The following ZWINT variants were observed in gnomAD, a reference collection of about 807,000 sequenced individuals.
ZWINT encodes the protein outer kinetochore KNL1 complex subunit ZWINT.
In ZWINT, 41 loss-of-function variants were observed where a neutral mutation model predicts 41.5. The observed-to-expected ratio is 0.99, with a 90% CI of 0.77 to 1.28. ZWINT has a LOEUF of 1.28. ZWINT is among the 50% of genes most tolerant of loss of function. ZWINT has a pLI of 0.00. For missense variants in ZWINT, 369 were observed against 329.7 expected (o/e 1.12, Z -0.92); for synonymous variants, 132 against 126.8 (o/e 1.04, Z -0.28).
chr10:56,359,945 T>A, intron 3 of ZWINT, 73 bp downstream of exon 3: 1 of 1,606,610 alleles, frequency 6.2e-7, no homozygotes, highest in Admixed American at 1.7e-5. Context: ...ATCAGCCAAA[T>A]GGGAGACCTA....
At position 56,359,727 on chromosome 10, in the gene ZWINT, C is replaced by G. The variant is rs781108805; in HGVS notation, c.383G>C (p.Arg128Pro). 1.2e-6 allele frequency: 2 copies of G among 1,614,152 alleles called. No individual in the cohort carries two copies. Among genetic ancestry groups the G allele is most frequent in the East Asian group, 4.5e-5 (2 of 44,862 alleles). Reference protein sequence around the residue: ...LTQMEEAQRKRTQLREAFEQL... With the variant: ...LTQMEEAQRKPTQLREAFEQL... ...CTCAAAGGCTTCCCGGAGTTGTGTC[C>G]GTTTCCTCTGGGCTTCCTCCATCTG... The change falls in exon 4 of 9, where the codon CGG becomes CCG. Residue 128 changes from arginine to proline, a missense_variant. Physicochemically the swap from Arg to Pro is moderately radical, Grantham distance 103. Coordinates refer to ENST00000373944, the MANE Select transcript of ZWINT (RefSeq NM_007057.4).
At chr10:56,360,493 G>T in intron 1 of ZWINT, 110 bp from the exon 2 acceptor site, 1 of 910,974 alleles carries the variant, frequency 1.1e-6, no homozygotes. Flanking sequence ...ATATAGTATT[G>T]AGAGTCTTGC....
At chr10:56,359,096 GA>G in intron 5 of ZWINT, 149 bp from the exon 6 acceptor site, 3 of 1,012,128 alleles carry the variant, frequency 3.0e-6, no homozygotes, top group Non-Finnish European at 4.2e-6. Context: ...TAGGGGCCTA[GA>G]GAAAAGGAAA....
At position 56,358,865 on chromosome 10, in the gene ZWINT, AC is replaced by A; in HGVS notation, c.562del (p.Val188CysfsTer8). The A allele has an allele frequency of 6.2e-7, 1 of 1,614,008 alleles. No homozygotes were observed. The highest frequency in any genetic ancestry group is 2.2e-5 in the East Asian group (1 of 44,848). ...KTGTQQELDRVFQKLGNLKQQ... is the reference protein window; with the variant it reads ...KTGTQQELDRXFQKLGNLKQQ... ...CTTCAGGTTTCCAAGTTTCTGAAAC[AC>A]CCTGTCAAGCTCCTGCTGAGTCCCT... On this transcript the variant is annotated frameshift_variant, in exon 6 of 9. Coordinates refer to ENST00000373944, the MANE Select transcript of ZWINT (RefSeq NM_007057.4). LOFTEE classifies it high-confidence loss of function.
In ZWINT at chr10:56,359,802, T is replaced by C; in HGVS notation, c.308A>G (p.Tyr103Cys). ...TTTGATGGCCTCTACGTGCTCCCTG[T>C]AGGTGGCCTTCAGCTCTTTCCATTG... is the stretch of plus-strand genomic sequence containing the variant. ...KEQWKELKATYREHVEAIKIG... is the reference protein window; with the variant it reads ...KEQWKELKATCREHVEAIKIG... The change falls in exon 4 of 9, where the codon TAC becomes TGC. Residue 103 changes from tyrosine to cysteine, a missense_variant. Transcript: ENST00000373944. 1 of 1,614,118 alleles carries C rather than the reference T, an allele frequency of 6.2e-7. No individual in the cohort carries two copies. Among genetic ancestry groups the C allele is most frequent in the South Asian group, 1.1e-5 (1 of 91,080 alleles).
intron 1 of ZWINT, 110 bp downstream of exon 1, chr10:56,361,086 G>T: frequency 8.0e-7 from 1 of 1,243,440 alleles, no homozygotes; most frequent in Non-Finnish European, 1.1e-6. Context: ...TTCACGGCAG[G>T]GTCGAACCTC....
rs568106382 is a variant in ZWINT, at chr10:56,357,952, C to T, written c.*275G>A. 3.2e-4 allele frequency: 137 copies of T among 427,380 alleles called. 1 individual carries two copies. Among genetic ancestry groups the T allele is most frequent in the South Asian group, 2.3e-3 (131 of 57,376 alleles). 26.5% of individuals were successfully genotyped at this position (427,380 alleles called of 1,614,324 possible). ...GGCCAGTACCCCCTCCCCATCTGCACACCCTGTGTTCAAACCAGTCCCAGC... is the reference window on the plus strand; with the variant it reads ...GGCCAGTACCCCCTCCCCATCTGCATACCCTGTGTTCAAACCAGTCCCAGC... On this transcript the variant is annotated 3_prime_UTR_variant, in exon 9 of 9. Transcript: ENST00000373944.
chr10:56,360,504 C>G (rs1289048833), intron 1 of ZWINT, 121 bp from the exon 2 acceptor site: 1 of 846,418 alleles, frequency 1.2e-6, no homozygotes, highest in East Asian at 2.7e-5. Context: ...AGAGTCTTGC[C>G]TTGACCAGAG....
Position 56,358,834 on chromosome 10 carries a change from C to T in ZWINT, c.594G>A (p.Gln198=). 2 of 1,614,090 alleles carry T rather than the reference C, an allele frequency of 1.2e-6. No individual in the cohort carries two copies. Among genetic ancestry groups the T allele is most frequent in the Non-Finnish European group, 8.5e-7 (1 of 1,180,016 alleles). The change falls in exon 6 of 9, where the codon CAG becomes CAA. Residue 198 remains glutamine (Q), a synonymous_variant. Transcript: ENST00000373944. ...GCAGCTTGTCCCGCTCCTGTTCTGCCTGCTGCTTCAGGTTTCCAAGTTTCT... is the reference window on the plus strand; with the variant it reads ...GCAGCTTGTCCCGCTCCTGTTCTGCTTGCTGCTTCAGGTTTCCAAGTTTCT... ...VFQKLGNLKQ[Q]AEQERDKLQR...
chr10:56,361,102 C>A, intron 1 of ZWINT, 94 bp downstream of exon 1: 1 of 1,414,056 alleles, frequency 7.1e-7, no homozygotes, highest in Non-Finnish European at 9.8e-7. Flanking sequence ...ACCTCAACAG[C>A]TGTACAGGGT....
rs534983013 is a variant in ZWINT, at chr10:56,361,181, G to C, written c.41+15C>G. On this transcript the variant is annotated intron_variant, in intron 1 of 8. Transcript: ENST00000373944. ...CAGGCCCGGCCCCAGCTGCCACTTA[G>C]CCGCAAACACTTACTCTAGGGCTGC... is the stretch of plus-strand genomic sequence containing the variant. 4 of 1,613,054 alleles carry C rather than the reference G, an allele frequency of 2.5e-6. No individual in the cohort carries two copies. The African/African-American group carries it at 5.3e-5, about 22-fold the overall frequency.
rs762632784 is a variant in ZWINT, at chr10:56,359,709, G to T, written c.401C>A (p.Ala134Asp). ...AQRKRTQLRE[A>D]FEQLQAKKQM... Reference sequence around the variant, plus strand: ...TACCTTGGCCTGGAGCTGCTCAAAGGCTTCCCGGAGTTGTGTCCGTTTCCT... The same window carrying T: ...TACCTTGGCCTGGAGCTGCTCAAAGTCTTCCCGGAGTTGTGTCCGTTTCCT... The change falls in exon 4 of 9, where the codon GCC (alanine) becomes GAC (aspartate). Residue 134 changes from alanine (A) to aspartate (D), a missense_variant. Coordinates refer to ENST00000373944, the MANE Select transcript of ZWINT (RefSeq NM_007057.4). The T allele has an allele frequency of 6.2e-7, 1 of 1,613,998 alleles. No individual in the cohort carries two copies. Among genetic ancestry groups the T allele is most frequent in the African/African-American group, 1.3e-5 (1 of 74,898 alleles).
chr10:56,359,881 A>C (rs201375000), intron 3 of ZWINT, 28 bp from the exon 4 acceptor site: 1 of 1,611,642 alleles, frequency 6.2e-7, no homozygotes, highest in Non-Finnish European at 8.5e-7. Flanking sequence ...GAATGAGTAC[A>C]TGAGTGAGGG....
chr10:56,359,842 T>C lies in ZWINT; in HGVS notation c.268A>G (p.Ile90Val), dbSNP rs1293710922. The change falls in exon 4 of 9, where the codon ATT becomes GTT. Residue 90 changes from isoleucine to valine, a missense_variant. Coordinates refer to ENST00000373944, the MANE Select transcript of ZWINT (RefSeq NM_007057.4). Reference protein sequence around the residue: ...ASEDTSRQKAIAAKEQWKELK... With the variant: ...ASEDTSRQKAVAAKEQWKELK... ...TCTTTCCATTGTTCCTTAGCTGCAA[T>C]TGCCTTCTGTCCTGAGATGAGCCAC... The C allele has an allele frequency of 3.7e-6, 6 of 1,614,086 alleles. No homozygotes were observed. The South Asian group carries it at 6.6e-5, about 18-fold the overall frequency.
Position 56,361,253 on chromosome 10 carries a change from T to A in ZWINT, c.-17A>T, listed in dbSNP as rs1378559559. On this transcript the variant is annotated 5_prime_UTR_variant, in exon 1 of 9. Coordinates refer to ENST00000373944, the MANE Select transcript of ZWINT (RefSeq NM_007057.4). The stretch of plus-strand genomic sequence containing the variant: ...TGCCTCCATCTTTCCAGGCGCCGAG[T>A]TCAGCTGCCTTCCCACAATCCCTAA... 2 of 1,608,702 alleles carry A rather than the reference T, an allele frequency of 1.2e-6. No homozygotes were observed. The highest frequency in any genetic ancestry group is 1.7e-6 in the Non-Finnish European group (2 of 1,177,790).
At chr10:56,359,874 T>G (rs767430944) in intron 3 of ZWINT, 21 bp from the exon 4 acceptor site, 3 of 1,611,058 alleles carry the variant, frequency 1.9e-6, no homozygotes, top group Non-Finnish European at 1.7e-6. Flanking sequence ...CCACCAGGAA[T>G]GAGTACATGA....
At chr10:56,359,037 G>T in intron 5 of ZWINT, 90 bp from the exon 6 acceptor site, 1 of 1,481,904 alleles carries the variant, frequency 6.7e-7, no homozygotes, top group Non-Finnish European at 9.1e-7. Flanking sequence ...CCAGCTCAGG[G>T]CTCAGGCTCA....
In ZWINT at chr10:56,360,379, G is replaced by A; in HGVS notation, c.46C>T (p.Leu16=). Residue 16 remains leucine (L), a synonymous_variant, in exon 2 of 9, where the codon CTG becomes TTG. Transcript: ENST00000373944. ...TCCAAGATGCCTGCCACCTCAGCCAGGACCCTGGAGGGGCAAGGAAACACA... is the reference window on the plus strand; with the variant it reads ...TCCAAGATGCCTGCCACCTCAGCCAAGACCCTGGAGGGGCAAGGAAACACA... ...TEAEAAALEV[L]AEVAGILEPV... 1 of 1,613,952 alleles carries A rather than the reference G, an allele frequency of 6.2e-7. No individual in the cohort carries two copies. The highest frequency in any genetic ancestry group is 8.5e-7 in the Non-Finnish European group (1 of 1,179,934).
intron 1 of ZWINT, 36 bp downstream of exon 1, chr10:56,361,160 C>G (rs777821201): frequency 6.2e-7 from 1 of 1,611,956 alleles, no homozygotes; most frequent in Admixed American, 1.7e-5. Context: ...TCCTCCCAGG[C>G]CCGGCCCCAG....
Sources: allele counts gnomAD v4.1 joint callset, GRCh38; gene constraint gnomAD v4.1.1; transcripts MANE v1.5; gene names NCBI Gene and HGNC (gene_info 2026-07-23, HGNC 2026-07-21).